Variants in BCAP29 observed in about 807,000 individuals in gnomAD.
The protein encoded by BCAP29 is B-cell receptor-associated protein 29.
In BCAP29, 34 loss-of-function variants were observed where a neutral mutation model predicts 31.8. The observed-to-expected ratio is 1.07, with a 90% CI of 0.81 to 1.42. BCAP29 has a LOEUF of 1.42. Ranked by LOEUF, BCAP29 falls within the 40% of genes most tolerant of loss-of-function variation. The pLI, the probability that BCAP29 is intolerant of heterozygous loss-of-function variation, is 0.00. For synonymous variants in BCAP29, 104 were observed against 91.3 expected (o/e 1.14, Z -0.79); for missense variants, 314 against 269.2 (o/e 1.17, Z -1.16).
chr7:107,612,437 A>ATATATATATATATATATATT (rs771741951), intron 6 of BCAP29, among the ~76,000 whole-genome samples: 1 of 113,246 alleles, frequency 8.8e-6, no homozygotes, highest in Non-Finnish European at 1.8e-5. Flanking sequence ...ATATATATAT[A>ATATATATATATATATATATT]TATTTATTTT....
intron 3 of BCAP29, among the ~76,000 whole-genome samples, chr7:107,593,703 G>C (rs1464346293): frequency 6.6e-6 from 1 of 152,128 alleles, no homozygotes; most frequent in East Asian, 1.9e-4. Flanking sequence ...ACAATAAAAT[G>C]ATGGTAAGTA....
At position 107,620,462 on chromosome 7, in the gene BCAP29, T is replaced by C. The variant is rs773577411; in HGVS notation, c.*2099T>C. 2.0e-5 allele frequency: 3 copies of C among 152,232 alleles called. No homozygotes were observed. The highest frequency in any genetic ancestry group is 1.3e-4 in the Admixed American group (2 of 15,280). The allele number at this position is 152,232 out of a possible 1,614,324, so 9.4% of individuals were successfully genotyped here. A position where few individuals can be genotyped will look rare whatever the true frequency, so the allele number is the denominator to read the frequency against. On this transcript the variant is annotated 3_prime_UTR_variant, in exon 8 of 8. Transcript: ENST00000005259. The stretch of plus-strand genomic sequence containing the variant: ...GCAAATTGTATTACATAAATAAATA[T>C]TTATTTCATGGATTGAGTTATGTTG...
At chr7:107,604,043 C>G (rs931695917) in intron 6 of BCAP29, among the ~76,000 whole-genome samples, 10 of 152,092 alleles carry the variant, frequency 6.6e-5, no homozygotes, top group African/African-American at 2.4e-4. Context: ...AAAGCATATA[C>G]TAACAATCAG....
rs541512841 is a variant in BCAP29, at chr7:107,619,776, A to C, written c.*1413A>C. On this transcript the variant is annotated 3_prime_UTR_variant, in exon 8 of 8. Transcript: ENST00000005259. ...ATCAAAGTAAGAGCTATCTGGATAAATATATAGATATTGAGTGCTTGGAAT... is the reference window on the plus strand; with the variant it reads ...ATCAAAGTAAGAGCTATCTGGATAACTATATAGATATTGAGTGCTTGGAAT... The C allele has an allele frequency of 1.3e-5, 2 of 152,338 alleles. No homozygotes were observed. The highest frequency in any genetic ancestry group is 4.1e-4 in the South Asian group (2 of 4,828). The allele number at this position is 152,338 out of a possible 1,614,324, so 9.4% of individuals were successfully genotyped here.
At chr7:107,623,218 A>G (rs1356001171), downstream of BCAP29, 1 of 152,204 alleles carries the variant, frequency 6.6e-6, no homozygotes, top group Non-Finnish European at 1.5e-5. Flanking sequence ...TCCTAGACAT[A>G]ATAAAAAGCC....
chr7:107,592,143 A>T (rs562944498), intron 3 of BCAP29, among the ~76,000 whole-genome samples: 1 of 152,290 alleles, frequency 6.6e-6, no homozygotes, highest in African/African-American at 2.4e-5. Flanking sequence ...AAAAAGTATT[A>T]TATGTCAAGA....
chr7:107,609,969 G>A (rs74794420), intron 6 of BCAP29, among the ~76,000 whole-genome samples: 2,169 of 152,300 alleles, frequency 0.014, 23 homozygotes, highest in Non-Finnish European at 0.022. Context: ...TCCATTTCCT[G>A]GCAGAGCTTT....
intron 2 of BCAP29, 143 bp downstream of exon 2, chr7:107,581,007 TTAAAA>T: frequency 1.9e-6 from 1 of 520,998 alleles, no homozygotes; most frequent in Non-Finnish European, 3.2e-6. Flanking sequence ...AATGACAATA[TTAAAA>T]TAACATTTTA....
intron 6 of BCAP29, among the ~76,000 whole-genome samples, chr7:107,607,601 C>CAT (rs1812334440): frequency 6.6e-6 from 1 of 150,664 alleles, no homozygotes; most frequent in Non-Finnish European, 1.5e-5. Flanking sequence ...GTATTGATAC[C>CAT]CTCTTTCCTG....
At position 107,600,453 on chromosome 7, in the gene BCAP29, A is replaced by T; in HGVS notation, c.537A>T (p.Lys179Asn). 6.2e-7 allele frequency: 1 copy of T among 1,611,584 alleles called. No individual in the cohort carries two copies. Among genetic ancestry groups the T allele is most frequent in the Non-Finnish European group, 8.5e-7 (1 of 1,178,552 alleles). The change falls in exon 6 of 8, where the codon AAA (lysine) becomes AAT (asparagine). Residue 179 changes from lysine to asparagine, a missense_variant. Coordinates refer to ENST00000005259, the MANE Select transcript of BCAP29 (RefSeq NM_018844.4). ...GTGTTTTGGAAGCAGAAAATAAAAAACTAGTAGAAGACCAGGAGAAACTGA... is the reference window on the plus strand; with the variant it reads ...GTGTTTTGGAAGCAGAAAATAAAAATCTAGTAGAAGACCAGGAGAAACTGA... ...EECVLEAENK[K>N]LVEDQEKLKT... is the part of the protein sequence containing the mutation.
Position 107,599,262 on chromosome 7 carries a change from A to ATATATATATATATAAATATATATAATTTT in BCAP29, c.481-1126_481-1125insATATAAATATATATAATTTTTATATATAT, listed in dbSNP as rs1810601963. On this transcript the variant is annotated intron_variant, in intron 5 of 7. Transcript: ENST00000005259. ...TTATATATAAATATATATAATTTTTATATATATATTTATATATAATTTTTA... is the reference window on the plus strand; with the variant it reads ...TTATATATAAATATATATAATTTTTATATATATATATATAAATATATATAATTTTTATATATATTTATATATAATTTTTA... 1.6e-5 allele frequency among the ~76,000 whole-genome samples: 2 copies of ATATATATATATATAAATATATATAATTTT among 123,750 alleles called. 1 individual carries two copies. The allele number at this position is 123,750 out of a possible 152,430, so 81.2% of individuals were successfully genotyped here. A position where few individuals can be genotyped will look rare whatever the true frequency, so the allele number is the denominator to read the frequency against.
intron 6 of BCAP29, among the ~76,000 whole-genome samples, chr7:107,610,853 A>G (rs1268536019): frequency 2.6e-5 from 4 of 152,228 alleles, no homozygotes; most frequent in African/African-American, 9.6e-5. Flanking sequence ...TCAGAAATTC[A>G]AGTATAAATT....
intron 5 of BCAP29, among the ~76,000 whole-genome samples, chr7:107,598,713 T>C (rs1053130135): frequency 1.3e-5 from 2 of 151,996 alleles, no homozygotes. Context: ...ATTCCTCTTA[T>C]GTTAGTCTGT....
At chr7:107,594,717 T>C (rs1809497495) in intron 4 of BCAP29, among the ~76,000 whole-genome samples, 1 of 152,078 alleles carries the variant, frequency 6.6e-6, no homozygotes, top group South Asian at 2.1e-4. Flanking sequence ...TTAGCCAGGA[T>C]GGTCTCGATC....
intron 3 of BCAP29, among the ~76,000 whole-genome samples, chr7:107,592,020 C>T (rs1808957550): frequency 6.6e-6 from 1 of 152,086 alleles, no homozygotes; most frequent in African/African-American, 2.4e-5. Flanking sequence ...CTCCTGGCCT[C>T]ATGCTATCCT....
At chr7:107,600,107 T>C in intron 5 of BCAP29, 1 of 360,100 alleles carries the variant, frequency 2.8e-6, no homozygotes, top group South Asian at 2.6e-5. Context: ...GAAGAAAGAC[T>C]GACGTTATTT....
At chr7:107,622,188 A>G (rs969695844), downstream of BCAP29, 1 of 224,710 alleles carries the variant, frequency 4.5e-6, no homozygotes, top group African/African-American at 2.3e-5. Flanking sequence ...TGCTTCTCTC[A>G]TATACATGCT....
At chr7:107,591,388 A>G (rs2129226960) in intron 3 of BCAP29, among the ~76,000 whole-genome samples, 2 of 152,308 alleles carry the variant, frequency 1.3e-5, no homozygotes, top group South Asian at 4.1e-4. Flanking sequence ...AGTGGGCTTT[A>G]TCTAATCAGC....
In BCAP29 at chr7:107,609,313, G is replaced by A. The variant is rs187745149; in HGVS notation, c.590-4019G>A. On this transcript the variant is annotated intron_variant, in intron 6 of 7. Transcript: ENST00000005259. ...AGGGCCTCATATGCCCTGTTTGTAC[G>A]TTAACATTTTCAGGGCACTCTTAGA... is the stretch of plus-strand genomic sequence containing the variant. Among the ~76,000 whole-genome samples the A allele has an allele frequency of 5.2e-4, 79 of 152,276 alleles. 3 individuals are homozygous for A. The highest frequency in any genetic ancestry group is 4.7e-4 in the Non-Finnish European group (32 of 68,018).
Sources: gnomAD v4.1 joint callset for allele counts (sites outside exome capture counted in the v4.1 genomes callset) on GRCh38, gnomAD v4.1.1 for gene constraint, MANE v1.5 for transcripts, NCBI Gene and HGNC (gene_info 2026-07-23, HGNC 2026-07-21) for gene names.